PVT1: variants seen among roughly 807,000 people sequenced by gnomAD.
PVT1 encodes the protein Pvt1 oncogene.
chr8:127,902,947 C>T (rs759750546), intron 3 of PVT1, among the ~76,000 whole-genome samples: 7 of 152,162 alleles, frequency 4.6e-5, no homozygotes, highest in Non-Finnish European at 8.8e-5. Flanking sequence ...TTTGAGTATA[C>T]ACCCAGGTAT....
chr8:127,800,924 C>T (rs886080841), intron 2 of PVT1, among the ~76,000 whole-genome samples: 7 of 152,110 alleles, frequency 4.6e-5, no homozygotes, highest in Non-Finnish European at 8.8e-5. Flanking sequence ...AGGGCTGGGG[C>T]GTGGTGCTGT....
chr8:127,901,612 A>G (rs1385659777), intron 3 of PVT1, among the ~76,000 whole-genome samples: 3 of 151,976 alleles, frequency 2.0e-5, no homozygotes, highest in Non-Finnish European at 4.4e-5. Context: ...CAGTCTTGAT[A>G]TGTTGCCTAG....
chr8:127,837,010 C>T (rs1814916665), intron 2 of PVT1, among the ~76,000 whole-genome samples: 1 of 152,202 alleles, frequency 6.6e-6, no homozygotes, highest in South Asian at 2.1e-4. Flanking sequence ...GCCTGTCCCA[C>T]ACCTGAGGAT....
intron 3 of PVT1, among the ~76,000 whole-genome samples, chr8:127,926,468 G>A (rs1411399933): frequency 6.6e-6 from 1 of 152,140 alleles, no homozygotes; most frequent in African/African-American, 2.4e-5. Context: ...TGCTTCATCC[G>A]GGAAGTTGCT....
intron 2 of PVT1, among the ~76,000 whole-genome samples, chr8:127,854,499 C>A (rs1815141518): frequency 6.6e-6 from 1 of 152,182 alleles, no homozygotes; most frequent in East Asian, 1.9e-4. Context: ...TGTCATGTGA[C>A]CCTCTCTGAT....
At chr8:127,929,767 C>CA (rs773372137) in intron 3 of PVT1, among the ~76,000 whole-genome samples, 4,575 of 129,596 alleles carry the variant, frequency 0.035, 103 homozygotes, top group South Asian at 0.071. Context: ...GACTCCGTCT[C>CA]AAAAAAAAAA....
At chr8:127,892,063 G>A (rs961714009) in intron 3 of PVT1, among the ~76,000 whole-genome samples, 4 of 152,204 alleles carry the variant, frequency 2.6e-5, no homozygotes, top group African/African-American at 9.6e-5. Context: ...ACCACTTGAG[G>A]CCACCTGGCA....
intron 4 of PVT1, chr8:128,048,545 C>T (rs541093740): frequency 1.3e-5 from 2 of 152,302 alleles, no homozygotes; most frequent in East Asian, 1.9e-4. Flanking sequence ...GATCTGACTT[C>T]GCTGATTAAG....
intron 5 of PVT1, among the ~76,000 whole-genome samples, chr8:128,094,144 T>A (rs1463891261): frequency 1.3e-5 from 2 of 152,222 alleles, no homozygotes; most frequent in African/African-American, 2.4e-5. Context: ...TGTGAATTCT[T>A]CTAAAACAGG....
intron 4 of PVT1, among the ~76,000 whole-genome samples, chr8:128,057,886 ATCATTGGC>A (rs767897710): frequency 1.2e-4 from 18 of 152,218 alleles, no homozygotes; most frequent in Admixed American, 5.9e-4. Flanking sequence ...ACATGGTGGT[ATCATTGGC>A]CTAGCTTTCA....
At chr8:127,978,989 G>C (rs114261127) in intron 3 of PVT1, among the ~76,000 whole-genome samples, 1 of 152,196 alleles carries the variant, frequency 6.6e-6, no homozygotes. Context: ...TGACCCTTCC[G>C]CCTTGGCGGT....
chr8:127,913,565 G>A (rs1320167486), intron 3 of PVT1, among the ~76,000 whole-genome samples: 1 of 151,186 alleles, frequency 6.6e-6, no homozygotes, highest in Non-Finnish European at 1.5e-5. Context: ...TCTGCCCCAT[G>A]TGGGGTCTGC....
At chr8:127,901,748 G>GT (rs60036236) in intron 3 of PVT1, among the ~76,000 whole-genome samples, 2,638 of 144,530 alleles carry the variant, frequency 0.018, 35 homozygotes, top group Non-Finnish European at 0.027. Flanking sequence ...TTTGAGAAGA[G>GT]TTTTTTTTTT....
chr8:127,925,083 A>C (rs917525858), intron 3 of PVT1, among the ~76,000 whole-genome samples: 15 of 152,186 alleles, frequency 9.9e-5, no homozygotes, highest in African/African-American at 3.1e-4. Flanking sequence ...TCTGCGTGCT[A>C]AGAAATTGTT....
chr8:128,015,091 A>ATTTT (rs369418776), intron 4 of PVT1, among the ~76,000 whole-genome samples: 25 of 139,212 alleles, frequency 1.8e-4, no homozygotes, highest in East Asian at 1.0e-3. Context: ...TTATTTATTT[A>ATTTT]TTATTTATTT....
At chr8:127,984,292 A>G (rs980561779) in intron 3 of PVT1, 2 of 152,170 alleles carry the variant, frequency 1.3e-5, no homozygotes, top group African/African-American at 4.8e-5. Context: ...TTAATTCTGT[A>G]ATCCTCAATG....
At chr8:127,895,927 C>G (rs1199121905) in intron 3 of PVT1, among the ~76,000 whole-genome samples, 1 of 152,162 alleles carries the variant, frequency 6.6e-6, no homozygotes, top group Admixed American at 6.5e-5. Context: ...GCCAATAAAA[C>G]TTTATTTACA....
intron 4 of PVT1, among the ~76,000 whole-genome samples, chr8:128,034,193 T>A (rs1056188343): frequency 6.1e-4 from 89 of 145,662 alleles, no homozygotes; most frequent in African/African-American, 2.1e-3. Context: ...CTCCTCCTCC[T>A]CTTCTTCCTC....
At chr8:127,918,288 G>A (rs1816013529) in intron 3 of PVT1, among the ~76,000 whole-genome samples, 1 of 152,190 alleles carries the variant, frequency 6.6e-6, no homozygotes, top group Non-Finnish European at 1.5e-5. Flanking sequence ...GTGTGGAACT[G>A]TGTATCGGCC....
Sources: gnomAD v4.1 joint callset for allele counts (sites outside exome capture counted in the v4.1 genomes callset) on GRCh38, gnomAD v4.1.1 for gene constraint, MANE v1.5 for transcripts, NCBI Gene and HGNC (gene_info 2026-07-23, HGNC 2026-07-21) for gene names.